Variants in TRIM75 observed in about 807,000 individuals in gnomAD.
TRIM75 encodes tripartite motif-containing protein 75.
the TRIM75 span, chr4:165,059,602 A>G: frequency 5.1e-6 from 4 of 780,906 alleles, no homozygotes; most frequent in South Asian, 4.0e-5. Flanking sequence ...CAGCCCCTGA[A>G]AAAGCAATTG....
At chr4:165,060,144 A>T in the TRIM75 span, 1 of 780,962 alleles carries the variant, frequency 1.3e-6, no homozygotes, top group South Asian at 1.3e-5. Flanking sequence ...AAAAAGATTT[A>T]CAGTCAAGCC....
At chr4:165,057,272 G>A in the TRIM75 span, among the ~76,000 whole-genome samples, 1 of 152,200 alleles carries the variant, frequency 6.6e-6, no homozygotes, top group East Asian at 1.9e-4. Flanking sequence ...CATTTTGGGA[G>A]GGTGAGACAG....
the TRIM75 span, among the ~76,000 whole-genome samples, chr4:165,057,866 T>C: frequency 6.6e-6 from 1 of 152,216 alleles, no homozygotes; most frequent in East Asian, 1.9e-4. Context: ...AGTGTTGGAA[T>C]GTCTACATAA....
the TRIM75 span, among the ~76,000 whole-genome samples, chr4:165,055,771 C>T: frequency 2.6e-5 from 4 of 152,104 alleles, no homozygotes; most frequent in Non-Finnish European, 5.9e-5. Flanking sequence ...ATGCACTCTG[C>T]TCCAGAAATT....
the TRIM75 span, among the ~76,000 whole-genome samples, chr4:165,054,911 A>C: frequency 2.0e-5 from 3 of 151,916 alleles, no homozygotes; most frequent in African/African-American, 4.8e-5. Flanking sequence ...ACCTTCCAGG[A>C]TGTAGCAGTG....
At chr4:165,058,136 G>C in the TRIM75 span, among the ~76,000 whole-genome samples, 1 of 151,784 alleles carries the variant, frequency 6.6e-6, no homozygotes, top group East Asian at 1.9e-4. Flanking sequence ...GGTAAATTTG[G>C]TAGATGTGAT....
the TRIM75 span, among the ~76,000 whole-genome samples, chr4:165,056,686 C>A: frequency 1.5e-5 from 2 of 134,692 alleles, no homozygotes; most frequent in African/African-American, 2.7e-5. Flanking sequence ...GTGATCTCGA[C>A]TCACCACAAC....
At chr4:165,055,137 T>TA in the TRIM75 span, among the ~76,000 whole-genome samples, 13,701 of 151,560 alleles carry the variant, frequency 0.09, 761 homozygotes, top group Non-Finnish European at 0.12. Flanking sequence ...ACTCAACCAT[T>TA]AAAAAAAAAT....
the TRIM75 span, among the ~76,000 whole-genome samples, chr4:165,057,605 C>T: frequency 6.6e-6 from 1 of 152,184 alleles, no homozygotes; most frequent in African/African-American, 2.4e-5. Flanking sequence ...GCGATCTCAG[C>T]TCACTGCAAC....
the TRIM75 span, chr4:165,059,066 T>C: frequency 1.5e-6 from 1 of 647,226 alleles, no homozygotes; most frequent in Non-Finnish European, 2.8e-6. Flanking sequence ...TAAGAGCATA[T>C]CTGCTTCTCA....
At chr4:165,056,564 A>G in the TRIM75 span, among the ~76,000 whole-genome samples, 1 of 145,572 alleles carries the variant, frequency 6.9e-6, no homozygotes, top group African/African-American at 2.5e-5. Flanking sequence ...CAATCTATGT[A>G]CCATGTCCTT....
At chr4:165,059,833 C>G in the TRIM75 span, 1 of 780,896 alleles carries the variant, frequency 1.3e-6, no homozygotes, top group East Asian at 2.4e-5. Context: ...TACAGTGCCA[C>G]ACTCAAAAGC....
At chr4:165,059,800 C>T in the TRIM75 span, 1 of 780,880 alleles carries the variant, frequency 1.3e-6, no homozygotes, top group South Asian at 1.3e-5. Context: ...AAACTCAGTG[C>T]AAACATAACA....
the TRIM75 span, among the ~76,000 whole-genome samples, chr4:165,058,497 A>T: frequency 6.6e-6 from 1 of 152,228 alleles, no homozygotes; most frequent in Non-Finnish European, 1.5e-5. Flanking sequence ...AATTTCTCCA[A>T]GTTACAGATA....
the TRIM75 span, chr4:165,060,322 A>G: frequency 1.3e-6 from 1 of 780,918 alleles, no homozygotes; most frequent in Non-Finnish European, 2.4e-6. Context: ...CTGCAAGATG[A>G]TGGCTATCAT....
chr4:165,053,970 C>T, the TRIM75 span, among the ~76,000 whole-genome samples: 13,051 of 151,988 alleles, frequency 0.086, 819 homozygotes, highest in Admixed American at 0.22. Flanking sequence ...AGTGACATTC[C>T]GTGGGTGCGG....
At chr4:165,060,036 A>G in the TRIM75 span, 1 of 776,280 alleles carries the variant, frequency 1.3e-6, no homozygotes, top group Admixed American at 1.7e-5. Context: ...AGTAGAAATA[A>G]TTCTAGACCC....
At chr4:165,059,199 A>C in the TRIM75 span, 2 of 780,062 alleles carry the variant, frequency 2.6e-6, no homozygotes, top group African/African-American at 3.4e-5. Flanking sequence ...TAAGTGCTCC[A>C]TCTGTCTGGA....
chr4:165,059,168 G>T, the TRIM75 span: 20 of 778,396 alleles, frequency 2.6e-5, no homozygotes, highest in South Asian at 5.4e-5. Flanking sequence ...CAGCAGCTCT[G>T]ACCGGACTCC....
Sources: gnomAD v4.1 joint callset for allele counts (sites outside exome capture counted in the v4.1 genomes callset) on GRCh38, gnomAD v4.1.1 for gene constraint, MANE v1.5 for transcripts, NCBI Gene and HGNC (gene_info 2026-07-23, HGNC 2026-07-21) for gene names.